Variants in DLG2 observed in about 807,000 individuals in gnomAD.
DLG2 encodes the protein discs large MAGUK scaffold protein 2.
DLG2 carries 45 observed loss-of-function variants against 132.5 expected under a neutral mutation model. That is an observed-to-expected ratio of 0.34 (90% CI 0.27 to 0.44). The LOEUF is 0.44. Ranked by LOEUF, DLG2 falls within the 20% of genes least tolerant of loss-of-function variation. DLG2 has a pLI of 1.00. For synonymous variants in DLG2, 424 were observed against 419.6 expected, an observed-to-expected ratio of 1.01 and a Z score of -0.13; for missense variants, 1,045 against 1,196.9, an observed-to-expected ratio of 0.87 and a Z score of 1.87.
intron 21 of DLG2, among the ~76,000 whole-genome samples, chr11:83,515,445 T>C (rs1272373423): frequency 6.6e-6 from 1 of 152,212 alleles, no homozygotes; most frequent in Non-Finnish European, 1.5e-5. Flanking sequence ...TAGTGGTCTA[T>C]CGATTTTGTT....
At chr11:84,693,939 C>G (rs1439432257) in intron 6 of DLG2, among the ~76,000 whole-genome samples, 1 of 151,642 alleles carries the variant, frequency 6.6e-6, no homozygotes, top group Non-Finnish European at 1.5e-5. Flanking sequence ...ATGAACTCCT[C>G]TCTATGGGTT....
intron 7 of DLG2, among the ~76,000 whole-genome samples, chr11:84,430,396 G>A (rs1377252549): frequency 1.4e-5 from 2 of 147,636 alleles, no homozygotes; most frequent in Admixed American, 6.8e-5. Context: ...CCGAGATCGT[G>A]CCACTTCACT....
chr11:84,574,837 C>A (rs1221545074), intron 6 of DLG2, among the ~76,000 whole-genome samples: 1 of 152,132 alleles, frequency 6.6e-6, no homozygotes, highest in African/African-American at 2.4e-5. Context: ...TCCACACTTG[C>A]CCAAGCCAGA....
intron 6 of DLG2, among the ~76,000 whole-genome samples, chr11:84,608,934 A>G (rs60815199): frequency 0.11 from 16,765 of 152,286 alleles, 904 homozygotes; most frequent in South Asian, 0.18. Context: ...AAATAGAAAG[A>G]GGGTCACACA....
intron 5 of DLG2, among the ~76,000 whole-genome samples, chr11:85,139,096 T>C (rs1566923478): frequency 6.6e-6 from 1 of 152,024 alleles, no homozygotes; most frequent in Admixed American, 6.6e-5. Context: ...TTCCCCTAAT[T>C]AGAATCTCTT....
intron 3 of DLG2, among the ~76,000 whole-genome samples, chr11:85,572,974 G>C (rs2077934749): frequency 6.6e-6 from 1 of 152,188 alleles, no homozygotes; most frequent in Admixed American, 6.5e-5. Flanking sequence ...CATTCCCTTG[G>C]TGATAAGTGA....
intron 15 of DLG2, among the ~76,000 whole-genome samples, chr11:83,877,638 T>A (rs1022160383): frequency 6.6e-6 from 1 of 152,194 alleles, no homozygotes; most frequent in African/African-American, 2.4e-5. Context: ...ATATTACACA[T>A]GCAAGGTTAG....
intron 17 of DLG2, among the ~76,000 whole-genome samples, chr11:83,796,669 G>A (rs762786104): frequency 6.2e-4 from 94 of 152,292 alleles, no homozygotes; most frequent in Admixed American, 1.4e-3. Context: ...TGGCAATATG[G>A]ATGCTTACCC....
chr11:83,866,158 C>A (rs927540867), intron 16 of DLG2, among the ~76,000 whole-genome samples: 1 of 152,012 alleles, frequency 6.6e-6, no homozygotes, highest in Non-Finnish European at 1.5e-5. Flanking sequence ...ATTTTCTCCC[C>A]CAGACTGAGG....
intron 3 of DLG2, among the ~76,000 whole-genome samples, chr11:85,434,395 T>G (rs2091362304): frequency 6.7e-6 from 1 of 148,972 alleles, no homozygotes; most frequent in Admixed American, 6.7e-5. Flanking sequence ...CTGTTTTTTT[T>G]GAAAAAATTT....
In DLG2 at chr11:84,272,103, A is replaced by G. The variant is rs2097732191; in HGVS notation, c.520-20812T>C. The G allele has an allele frequency of 1.8e-5, 3 of 171,340 alleles. No individual in the cohort carries two copies. The Admixed American group carries it at 1.9e-4, about 11-fold the overall frequency. The allele number at this position is 171,340 out of a possible 1,614,324, so 10.6% of individuals were successfully genotyped here. A position where few individuals can be genotyped will look rare whatever the true frequency, so the allele number is the denominator to read the frequency against. ...GTTTTTTAGACTTCTTACAAAAATT[A>G]TATAAGCTTTATGGCTTTAGTAGTC... On this transcript the variant is annotated intron_variant, in intron 7 of 27. Transcript: ENST00000376104.
At chr11:85,093,130 C>T (rs572508867) in intron 6 of DLG2, among the ~76,000 whole-genome samples, 4 of 152,204 alleles carry the variant, frequency 2.6e-5, no homozygotes, top group Admixed American at 6.5e-5. Context: ...TCAACTGCAA[C>T]GTGTTTTGTT....
At chr11:85,067,962 T>A (rs1358673062) in intron 6 of DLG2, among the ~76,000 whole-genome samples, 1 of 152,028 alleles carries the variant, frequency 6.6e-6, no homozygotes, top group African/African-American at 2.4e-5. Context: ...CATGATCAAG[T>A]GGGCTTCGTC....
intron 11 of DLG2, among the ~76,000 whole-genome samples, chr11:84,002,115 C>T (rs141518623): frequency 2.5e-3 from 374 of 152,150 alleles, no homozygotes; most frequent in African/African-American, 8.4e-3. Flanking sequence ...TAAGGGTCAA[C>T]AAAATGACAT....
intron 4 of DLG2, among the ~76,000 whole-genome samples, chr11:85,205,006 C>A (rs2081765505): frequency 6.6e-6 from 1 of 151,962 alleles, no homozygotes; most frequent in African/African-American, 2.4e-5. Context: ...TAGATCCCTA[C>A]CTCTCACTTT....
chr11:85,561,727 C>A (rs1469158170), intron 3 of DLG2, among the ~76,000 whole-genome samples: 1 of 151,772 alleles, frequency 6.6e-6, no homozygotes, highest in African/African-American at 2.4e-5. Flanking sequence ...ATCTTACAAC[C>A]GTTCTAATCA....
intron 3 of DLG2, chr11:85,336,156 A>T (rs2152848917): frequency 6.6e-6 from 1 of 152,462 alleles, no homozygotes; most frequent in East Asian, 1.9e-4. Context: ...TTTGCTTCTG[A>T]CTCATTCTGA....
At chr11:83,497,334 G>C (rs1023403113) in intron 21 of DLG2, among the ~76,000 whole-genome samples, 5 of 152,158 alleles carry the variant, frequency 3.3e-5, no homozygotes, top group Non-Finnish European at 7.3e-5. Flanking sequence ...CCTGAGCTCA[G>C]GAATTCGACA....
At chr11:84,428,647 C>T (rs930849983) in intron 7 of DLG2, among the ~76,000 whole-genome samples, 42 of 152,158 alleles carry the variant, frequency 2.8e-4, no homozygotes, top group African/African-American at 1.0e-3. Flanking sequence ...ATTCAGACCC[C>T]ACCATTATGG....
Sources: allele counts gnomAD v4.1 joint callset (sites outside exome capture counted in the v4.1 genomes callset), GRCh38; gene constraint gnomAD v4.1.1; transcripts MANE v1.5; gene names NCBI Gene and HGNC (gene_info 2026-07-23, HGNC 2026-07-21).